The following MDGA2 variants were observed in gnomAD, a reference collection of about 807,000 sequenced individuals.
MDGA2 encodes the protein MAM domain containing glycosylphosphatidylinositol anchor 2, also known as MAM domain-containing glycosylphosphatidylinositol anchor protein 2.
In MDGA2, 40 loss-of-function variants were observed where a neutral mutation model predicts 117.8. That is an observed-to-expected ratio of 0.34 (90% CI 0.26 to 0.44). MDGA2 has a LOEUF of 0.44. Among genes scored for constraint, MDGA2 ranks in the 20% least tolerant of loss-of-function variants. The pLI is 1.00. For missense variants in MDGA2, 1,123 were observed against 1,250.6 expected, an observed-to-expected ratio of 0.90 and a Z score of 1.54; for synonymous variants, 452 against 439.0, an observed-to-expected ratio of 1.03 and a Z score of -0.37.
chr14:46,862,491 A>G (rs1261881832), intron 14 of MDGA2, among the ~76,000 whole-genome samples: 1 of 150,118 alleles, frequency 6.7e-6, no homozygotes, highest in Non-Finnish European at 1.5e-5. Flanking sequence ...AGTTCTTAAC[A>G]TAATTTTACT....
At chr14:47,328,444 T>C (rs929657466) in intron 1 of MDGA2, among the ~76,000 whole-genome samples, 7 of 152,160 alleles carry the variant, frequency 4.6e-5, no homozygotes, top group African/African-American at 1.7e-4. Context: ...ACAACCAAAA[T>C]TTAAGCTAAT....
chr14:47,488,348 G>C (rs1298231388), intron 1 of MDGA2, among the ~76,000 whole-genome samples: 3 of 152,048 alleles, frequency 2.0e-5, no homozygotes, highest in Non-Finnish European at 4.4e-5. Context: ...GGAAGCAAAT[G>C]GTCTGTGCAT....
At chr14:47,502,314 G>T (rs1156402729) in intron 1 of MDGA2, among the ~76,000 whole-genome samples, 1 of 152,222 alleles carries the variant, frequency 6.6e-6, no homozygotes, top group Admixed American at 6.5e-5. Context: ...GACAGAGTGA[G>T]ACCCTCATTT....
intron 7 of MDGA2, among the ~76,000 whole-genome samples, chr14:47,055,310 T>A (rs1326862548): frequency 6.6e-6 from 1 of 152,092 alleles, no homozygotes; most frequent in Non-Finnish European, 1.5e-5. Context: ...TCAGATCATA[T>A]TGCCTCCCTG....
intron 5 of MDGA2, among the ~76,000 whole-genome samples, chr14:47,106,451 G>T (rs1880683793): frequency 6.6e-6 from 1 of 151,958 alleles, no homozygotes; most frequent in Non-Finnish European, 1.5e-5. Context: ...ACAGGAGCTT[G>T]CTACATGTGC....
At chr14:47,208,395 C>A (rs898008133) in intron 3 of MDGA2, among the ~76,000 whole-genome samples, 10 of 151,940 alleles carry the variant, frequency 6.6e-5, no homozygotes, top group Non-Finnish European at 1.3e-4. Context: ...TTTTACTTTA[C>A]CTTCTGTGTG....
In MDGA2 at chr14:47,447,841, C is replaced by T. The variant is rs530143182; in HGVS notation, c.281-146291G>A. ...AATTTCTCAGGCAGAAATAAAATAT[C>T]AGGGCGTTAGGCTCCTCTAAAATTC... On this transcript the variant is annotated intron_variant, in intron 1 of 16. Coordinates refer to ENST00000399232, the MANE Select transcript of MDGA2 (RefSeq NM_001113498.3). Among the ~76,000 whole-genome samples, 10 of 152,290 alleles carry T rather than the reference C, an allele frequency of 6.6e-5. No individual in the cohort carries two copies. The South Asian group carries it at 1.9e-3, about 28-fold the overall frequency.
intron 2 of MDGA2, among the ~76,000 whole-genome samples, chr14:47,286,820 T>TATATA (rs1424433022): frequency 8.5e-6 from 1 of 118,234 alleles, no homozygotes; most frequent in East Asian, 2.4e-4. Flanking sequence ...TATATATATA[T>TATATA]ATATACATAT....
chr14:47,074,238 G>A (rs898950127), intron 6 of MDGA2, among the ~76,000 whole-genome samples: 2 of 151,416 alleles, frequency 1.3e-5, no homozygotes, highest in African/African-American at 4.9e-5. Context: ...TCACTCTCAA[G>A]ATAGTAATAT....
At chr14:47,148,096 C>G (rs1017225243) in intron 3 of MDGA2, among the ~76,000 whole-genome samples, 8 of 152,150 alleles carry the variant, frequency 5.3e-5, no homozygotes, top group African/African-American at 1.7e-4. Flanking sequence ...CTCATATAGG[C>G]TGGTCACTCC....
chr14:47,535,485 G>A (rs1194273914), intron 1 of MDGA2, among the ~76,000 whole-genome samples: 1 of 152,218 alleles, frequency 6.6e-6, no homozygotes, highest in African/African-American at 2.4e-5. Context: ...GTAACTGGCA[G>A]TCATTGTGAG....
At chr14:47,208,138 A>G (rs978967086) in intron 3 of MDGA2, among the ~76,000 whole-genome samples, 20 of 151,944 alleles carry the variant, frequency 1.3e-4, no homozygotes, top group African/African-American at 4.6e-4. Context: ...TTTTGTATGA[A>G]TCTCATGGCT....
rs554336502 is a variant in MDGA2, at chr14:47,574,661, G to T, written c.280+99856C>A. ...ATTATTACTAATAATAAAAATAATA[G>T]ATAAAATTTATTCAGTGCTTATTAT... On this transcript the variant is annotated intron_variant, in intron 1 of 16. Coordinates refer to ENST00000399232, the MANE Select transcript of MDGA2 (RefSeq NM_001113498.3). Among the ~76,000 whole-genome samples, 33 of 152,142 alleles carry T rather than the reference G, an allele frequency of 2.2e-4. No homozygotes were observed. In the South Asian group the frequency reaches 6.2e-3, roughly 29 times the overall value.
intron 1 of MDGA2, among the ~76,000 whole-genome samples, chr14:47,315,373 T>G (rs1889773806): frequency 6.6e-6 from 1 of 152,156 alleles, no homozygotes; most frequent in Admixed American, 6.6e-5. Flanking sequence ...CAAGTCTGCC[T>G]GAAGCAAAAC....
chr14:47,415,822 A>G (rs1892464455), intron 1 of MDGA2, among the ~76,000 whole-genome samples: 1 of 152,102 alleles, frequency 6.6e-6, no homozygotes, highest in African/African-American at 2.4e-5. Context: ...TTCCTGCTGC[A>G]TCCTCACATG....
Position 47,252,404 on chromosome 14 carries a change from T to G in MDGA2, c.421-34209A>C, listed in dbSNP as rs188682621. Among the ~76,000 whole-genome samples, 273 of 152,288 alleles carry G rather than the reference T, an allele frequency of 1.8e-3. 1 individual carries two copies. Among genetic ancestry groups the G allele is most frequent in the Middle Eastern group, 3.4e-3 (1 of 294 alleles). Reference sequence around the variant, plus strand: ...TAATCATAATACACACACAAGTCCCTTCTCAAAAAGAACAAAAGAATAATT... The same window carrying G: ...TAATCATAATACACACACAAGTCCCGTCTCAAAAAGAACAAAAGAATAATT... On this transcript the variant is annotated intron_variant, in intron 2 of 16. Transcript: ENST00000399232.
chr14:46,924,784 T>A (rs1028046871), intron 9 of MDGA2, among the ~76,000 whole-genome samples: 3 of 152,042 alleles, frequency 2.0e-5, no homozygotes, highest in Non-Finnish European at 4.4e-5. Flanking sequence ...AAATGCTAGA[T>A]GAAATTATGC....
chr14:47,606,516 T>C (rs1444748945), intron 1 of MDGA2, among the ~76,000 whole-genome samples: 1 of 152,194 alleles, frequency 6.6e-6, no homozygotes, highest in Non-Finnish European at 1.5e-5. Context: ...CCTGCACTTC[T>C]CCATCAGTAG....
chr14:46,911,024 C>T (rs1298469820), intron 10 of MDGA2, among the ~76,000 whole-genome samples: 1 of 152,068 alleles, frequency 6.6e-6, no homozygotes, highest in Non-Finnish European at 1.5e-5. Flanking sequence ...GGAAGAAAAT[C>T]AGGAAAAATA....
Sources: gnomAD v4.1 joint callset for allele counts (sites outside exome capture counted in the v4.1 genomes callset) on GRCh38, gnomAD v4.1.1 for gene constraint, MANE v1.5 for transcripts, NCBI Gene and HGNC (gene_info 2026-07-23, HGNC 2026-07-21) for gene names.